The following GSTM4 variants were observed in gnomAD, a reference collection of about 807,000 sequenced individuals.
The protein encoded by GSTM4 is glutathione S-transferase mu 4.
GSTM4 carries 27 observed loss-of-function variants against 30.1 expected under a neutral mutation model. That is an observed-to-expected ratio of 0.90 (90% CI 0.66 to 1.24). The LOEUF (loss-of-function observed/expected upper bound fraction) is 1.24, where lower values mean the gene tolerates loss of function less well. Among genes scored for constraint, GSTM4 ranks in the 50% most tolerant of loss-of-function variants. The pLI is 0.00. For synonymous variants in GSTM4, 94 were observed against 96.2 expected, an observed-to-expected ratio of 0.98 and a Z score of 0.13; for missense variants, 238 against 272.1, an observed-to-expected ratio of 0.87 and a Z score of 0.88.
rs1328214815 is a variant in GSTM4, at chr1:109,657,228, CAG to C, written c.128_129del (p.Arg43LysfsTer6). ...YTMGDAPDYD[R>X]SQWLNEKFKL... The stretch of plus-strand genomic sequence containing the variant: ...TCCCCACGGCAGCTCCTGACTATGA[CAG>C]AAGCCAGTGGCTGAATGAAAAATTC... On this transcript the variant is annotated frameshift_variant, in exon 3 of 8. Coordinates refer to ENST00000369836, the MANE Select transcript of GSTM4 (RefSeq NM_000850.5). LOFTEE classifies it high-confidence loss of function. The C allele has an allele frequency of 6.2e-7, 1 of 1,612,472 alleles. No individual in the cohort carries two copies. Among genetic ancestry groups the C allele is most frequent in the African/African-American group, 1.3e-5 (1 of 74,870 alleles).
intron 3 of GSTM4, 31 bp from the exon 4 acceptor site, chr1:109,657,559 A>G (rs752116724): frequency 2.2e-5 from 35 of 1,614,102 alleles, no homozygotes; most frequent in Non-Finnish European, 1.9e-5. Flanking sequence ...TGCTGGCCCA[A>G]CTGAGCTTCC....
At chr1:109,660,183 C>CTG (rs1652243956) in intron 7 of GSTM4, 1 of 164,616 alleles carries the variant, frequency 6.1e-6, no homozygotes, top group Admixed American at 6.4e-5. Context: ...TCAGCTCTGG[C>CTG]TGTGGTCTCG....
chr1:109,657,413 C>G, intron 3 of GSTM4, 134 bp downstream of exon 3: 1 of 1,404,638 alleles, frequency 7.1e-7, no homozygotes. Flanking sequence ...GTCTACACAG[C>G]CCCTGCATGA....
intron 5 of GSTM4, 157 bp downstream of exon 5, chr1:109,658,029 C>T: frequency 1.5e-6 from 1 of 648,948 alleles, no homozygotes; most frequent in South Asian, 2.0e-5. Context: ...AAAATAAAAA[C>T]TTGAAATCAG....
In GSTM4 at chr1:109,656,774, T is replaced by A. The variant is rs3206441; in HGVS notation, c.99T>A (p.Tyr33Ter). The A allele has an allele frequency of 3.1e-6, 5 of 1,612,736 alleles. No individual in the cohort carries two copies. The highest frequency in any genetic ancestry group is 4.2e-6 in the Non-Finnish European group (5 of 1,179,176). The change falls in exon 2 of 8, where the codon TAT becomes TAA. Residue 33 changes from tyrosine to a stop codon, truncating the protein, a stop_gained. Coordinates refer to ENST00000369836, the MANE Select transcript of GSTM4 (RefSeq NM_000850.5). LOFTEE classifies it high-confidence loss of function. The part of the protein sequence containing the change: ...YTDSSYEEKK[Y>*]TMGDAPDYDR... ...ACTCAAGCTACGAGGAAAAGAAGTATACGATGGGGGACGGTAATGACACCC... is the reference window on the plus strand; with the variant it reads ...ACTCAAGCTACGAGGAAAAGAAGTAAACGATGGGGGACGGTAATGACACCC...
intron 3 of GSTM4, 117 bp from the exon 4 acceptor site, chr1:109,657,473 G>C: frequency 6.7e-7 from 1 of 1,499,544 alleles, no homozygotes; most frequent in Non-Finnish European, 9.3e-7. Context: ...TCTATGTCAG[G>C]CCTGCCATGA....
downstream of GSTM4, among the ~76,000 whole-genome samples, chr1:109,666,348 C>T (rs1457573185): frequency 6.6e-6 from 1 of 152,212 alleles, no homozygotes; most frequent in African/African-American, 2.4e-5. Flanking sequence ...CCTGCCTAGC[C>T]TTGCCCCAGC....
chr1:109,657,369 G>A, intron 3 of GSTM4, 90 bp downstream of exon 3: 1 of 1,550,858 alleles, frequency 6.4e-7, no homozygotes, highest in Non-Finnish European at 8.9e-7. Context: ...GTTCGGATCA[G>A]GAGTCTTCTG....
chr1:109,658,869 C>T lies in GSTM4; in HGVS notation c.416C>T (p.Ser139Leu), dbSNP rs577705855. Residue 139 changes from serine to leucine, a missense_variant, in exon 6 of 8, where the codon TCA becomes TTA. Transcript: ENST00000369836. ...EELPTMMQHF[S>L]QFLGKRPWFV... ...CTTCCTACAATGATGCAGCACTTCT[C>T]ACAGTTCCTGGGGAAGAGGCCATGG... 2 of 1,614,112 alleles carry T rather than the reference C, an allele frequency of 1.2e-6. No individual in the cohort carries two copies. Among genetic ancestry groups the T allele is most frequent in the East Asian group, 4.5e-5 (2 of 44,886 alleles).
At position 109,656,204 on chromosome 1, in the gene GSTM4, T is replaced by C; in HGVS notation, c.-186T>C. On this transcript the variant is annotated 5_prime_UTR_variant, in exon 1 of 8. Transcript: ENST00000369836. Reference sequence around the variant, plus strand: ...ACCTGCTCCGTGCCTCCCGCGCCTGTTGGTTGGAAGTGACGACCTTGAAGA... The same window carrying C: ...ACCTGCTCCGTGCCTCCCGCGCCTGCTGGTTGGAAGTGACGACCTTGAAGA... The C allele has an allele frequency of 1.5e-6, 1 of 651,990 alleles. No homozygotes were observed. The highest frequency in any genetic ancestry group is 2.9e-6 in the Non-Finnish European group (1 of 350,614). 40.4% of individuals were successfully genotyped at this position (651,990 alleles called of 1,614,324 possible).
intron 6 of GSTM4, 36 bp from the exon 7 acceptor site, chr1:109,658,964 A>G: frequency 6.2e-7 from 1 of 1,613,182 alleles, no homozygotes; most frequent in Non-Finnish European, 8.5e-7. Flanking sequence ...CCTACGTTAC[A>G]GAGATTCCAG....
intron 7 of GSTM4, 97 bp downstream of exon 7, chr1:109,659,207 C>T (rs1430769111): frequency 9.3e-6 from 15 of 1,614,156 alleles, no homozygotes; most frequent in Non-Finnish European, 1.2e-5. Flanking sequence ...GAATAACTTG[C>T]ATTTATTGAG....
downstream of GSTM4, among the ~76,000 whole-genome samples, chr1:109,665,994 G>T (rs1411885192): frequency 6.6e-6 from 1 of 152,186 alleles, no homozygotes; most frequent in Admixed American, 6.5e-5. Flanking sequence ...GGTGTTAAAT[G>T]CAGGAAGAGT....
chr1:109,664,153 C>T (rs767987525), downstream of GSTM4, among the ~76,000 whole-genome samples: 5 of 152,014 alleles, frequency 3.3e-5, no homozygotes, highest in Non-Finnish European at 7.4e-5. Context: ...GTCATTCTTA[C>T]CCTATTGGGC....
At chr1:109,661,822 G>A (rs1205255647), downstream of GSTM4, 3 of 512,540 alleles carry the variant, frequency 5.9e-6, no homozygotes, top group Non-Finnish European at 7.7e-6. Flanking sequence ...GATGGGCTTA[G>A]TAAGGTGTTT....
chr1:109,657,363 G>T (rs1250175374), intron 3 of GSTM4, 84 bp downstream of exon 3: 4 of 1,566,822 alleles, frequency 2.6e-6, no homozygotes, highest in Middle Eastern at 2.3e-4. Context: ...AGAGGTGTTC[G>T]GATCAGGAGT....
intron 7 of GSTM4, chr1:109,659,775 C>G (rs769477431): frequency 1.9e-6 from 1 of 537,756 alleles, no homozygotes; most frequent in Non-Finnish European, 3.5e-6. Context: ...TTTTTCCTCT[C>G]TTTTTTCCCT....
At chr1:109,662,745 TTGC>T (rs1652359751), downstream of GSTM4, among the ~76,000 whole-genome samples, 1 of 152,194 alleles carries the variant, frequency 6.6e-6, no homozygotes, top group South Asian at 2.1e-4. Flanking sequence ...GGACTGACAA[TTGC>T]TGGTGATTTA....
downstream of GSTM4, among the ~76,000 whole-genome samples, chr1:109,664,341 C>CTTT (rs77855995): frequency 2.1e-3 from 75 of 35,740 alleles, 17 homozygotes; most frequent in African/African-American, 4.3e-3. Flanking sequence ...GAGAGAATAG[C>CTTT]TTTTTTTTTT....
Sources: allele counts gnomAD v4.1 joint callset (sites outside exome capture counted in the v4.1 genomes callset), GRCh38; gene constraint gnomAD v4.1.1; transcripts MANE v1.5; gene names NCBI Gene and HGNC (gene_info 2026-07-23, HGNC 2026-07-21).